The following RALGAPA2 variants were observed in gnomAD, a reference collection of about 807,000 sequenced individuals.
RALGAPA2 encodes ral GTPase-activating protein subunit alpha-2.
A neutral mutation model predicts 230.4 loss-of-function variants in RALGAPA2; 139 were observed. The observed-to-expected ratio is 0.60, with a 90% confidence interval of 0.53 to 0.69. The LOEUF is 0.69. Ranked by LOEUF, RALGAPA2 falls within the 30% of genes least tolerant of loss-of-function variation. The pLI is 0.00. For synonymous variants in RALGAPA2, 847 were observed against 837.8 expected (o/e 1.01, Z -0.19); for missense variants, 2,163 against 2,276.0 (o/e 0.95, Z 1.01).
chr20:20,555,517 G>C (rs1307299720), intron 23 of RALGAPA2, among the ~76,000 whole-genome samples: 1 of 152,132 alleles, frequency 6.6e-6, no homozygotes, highest in Non-Finnish European at 1.5e-5. Flanking sequence ...GGGGAGTACT[G>C]CTATCTTAAT....
intron 38 of RALGAPA2, among the ~76,000 whole-genome samples, chr20:20,404,568 G>A (rs2059909262): frequency 6.6e-6 from 1 of 152,174 alleles, no homozygotes; most frequent in African/African-American, 2.4e-5. Context: ...CGATTCACAA[G>A]GAATGTGAAC....
chr20:20,613,633 C>T (rs1471419630), intron 13 of RALGAPA2, among the ~76,000 whole-genome samples: 1 of 152,204 alleles, frequency 6.6e-6, no homozygotes, highest in East Asian at 1.9e-4. Context: ...CTCACGCTCC[C>T]TCTCACTCCA....
rs1032942518 is a variant in RALGAPA2 at position 20,437,454 on chromosome 20, G to A, written c.5496-25306C>T. On this transcript the variant is annotated intron_variant, in intron 37 of 39. Transcript: ENST00000202677. The surrounding 1 kb of genome is among the most constrained non-coding windows in gnomAD (Gnocchi z 4.1). Reference sequence around the variant, plus strand: ...GCAGGAGGCTTTCAGGGATGGTGCCGTCCTCCGTTCAGCCTTCAGATGGCT... The same window carrying A: ...GCAGGAGGCTTTCAGGGATGGTGCCATCCTCCGTTCAGCCTTCAGATGGCT... Among the ~76,000 whole-genome samples the A allele has an allele frequency of 1.8e-4, 28 of 152,308 alleles. No individual in the cohort carries two copies. Among genetic ancestry groups the A allele is most frequent in the South Asian group, 4.1e-4 (2 of 4,826 alleles).
chr20:20,678,814 G>A (rs73296931), intron 2 of RALGAPA2, among the ~76,000 whole-genome samples: 1,545 of 152,064 alleles, frequency 0.01, 25 homozygotes, highest in African/African-American at 0.035. Flanking sequence ...TTTGGCTTCC[G>A]ACCTGCTCCT....
chr20:20,575,248 A>C (rs6035651), intron 20 of RALGAPA2, among the ~76,000 whole-genome samples: 1 of 152,034 alleles, frequency 6.6e-6, no homozygotes, highest in South Asian at 2.1e-4. Flanking sequence ...TTTCTGGCCT[A>C]GATTTCTTTC....
chr20:20,465,459 G>A (rs1412484737), intron 37 of RALGAPA2, among the ~76,000 whole-genome samples: 3 of 152,154 alleles, frequency 2.0e-5, no homozygotes, highest in African/African-American at 4.8e-5. Flanking sequence ...GAAGCAGCAC[G>A]CTCCCTATGA....
At chr20:20,428,825 C>T (rs1441501586) in intron 37 of RALGAPA2, among the ~76,000 whole-genome samples, 1 of 146,578 alleles carries the variant, frequency 6.8e-6, no homozygotes, top group African/African-American at 2.5e-5. Flanking sequence ...TAAGTGCCTC[C>T]TACATATCCA....
intron 27 of RALGAPA2, among the ~76,000 whole-genome samples, 192 bp downstream of exon 27, chr20:20,531,495 C>T (rs1004467818): frequency 3.3e-5 from 5 of 152,236 alleles, no homozygotes; most frequent in African/African-American, 1.2e-4. Context: ...TCGAGACACT[C>T]GTGGCCAGGC....
chr20:20,516,132 T>C (rs1158830722), intron 31 of RALGAPA2, among the ~76,000 whole-genome samples: 4 of 152,148 alleles, frequency 2.6e-5, no homozygotes, highest in Admixed American at 6.5e-5. Context: ...CTCTGGAACA[T>C]TACCCTGAAA....
intron 39 of RALGAPA2, among the ~76,000 whole-genome samples, chr20:20,396,394 C>T (rs374095078): frequency 1.4e-4 from 21 of 152,268 alleles, no homozygotes; most frequent in East Asian, 1.3e-3. Context: ...CCCCAGCGCC[C>T]GCTGGCTCCC....
chr20:20,516,006 C>A (rs2062859816), intron 31 of RALGAPA2, among the ~76,000 whole-genome samples: 1 of 152,166 alleles, frequency 6.6e-6, no homozygotes, highest in Admixed American at 6.5e-5. Flanking sequence ...TAGTAGAACA[C>A]TGAGGGAGTG....
Position 20,392,762 on chromosome 20 carries a change from A to G in RALGAPA2, c.*527T>C, listed in dbSNP as rs1177949574. 6.0e-6 allele frequency: 1 copy of G among 167,814 alleles called. No homozygotes were observed. The highest frequency in any genetic ancestry group is 5.6e-5 in the Admixed American group (1 of 17,772). 10.4% of individuals were successfully genotyped at this position (167,814 alleles called of 1,614,324 possible). ...TCCTAACATAAAAGGAACTAGCAAA[A>G]TCAATGCAGATCAGATTCCTCAATT... On this transcript the variant is annotated 3_prime_UTR_variant, in exon 40 of 40. Transcript: ENST00000202677.
chr20:20,533,250 G>A (rs1180412837), intron 26 of RALGAPA2, among the ~76,000 whole-genome samples: 2 of 151,916 alleles, frequency 1.3e-5, no homozygotes, highest in Admixed American at 6.6e-5. Flanking sequence ...AAATAAAGGT[G>A]GGATGGGATA....
At chr20:20,430,636 T>A (rs1372304183) in intron 37 of RALGAPA2, among the ~76,000 whole-genome samples, 4 of 152,194 alleles carry the variant, frequency 2.6e-5, no homozygotes, top group Non-Finnish European at 5.9e-5. Context: ...TTTTCACTCA[T>A]CTCCAGTGAA....
intron 23 of RALGAPA2, among the ~76,000 whole-genome samples, chr20:20,557,805 T>C (rs2064130997): frequency 1.3e-5 from 2 of 152,258 alleles, no homozygotes; most frequent in Admixed American, 6.5e-5. Flanking sequence ...GAGATCATCA[T>C]TCAATCTTTT....
intron 38 of RALGAPA2, among the ~76,000 whole-genome samples, chr20:20,397,171 C>G (rs1419968468): frequency 6.6e-6 from 1 of 152,144 alleles, no homozygotes; most frequent in Non-Finnish European, 1.5e-5. Context: ...AATTGAAACC[C>G]CCTAGGTGGG....
chr20:20,591,400 A>G (rs2065287488), intron 16 of RALGAPA2, 86 bp from the exon 17 acceptor site: 2 of 1,400,344 alleles, frequency 1.4e-6, no homozygotes, highest in Admixed American at 2.4e-5. Flanking sequence ...TTTAAAAAAT[A>G]AAGTTTCAAA....
chr20:20,566,957 T>C (rs1266711992), intron 23 of RALGAPA2, among the ~76,000 whole-genome samples: 1 of 152,242 alleles, frequency 6.6e-6, no homozygotes, highest in African/African-American at 2.4e-5. Flanking sequence ...CACAATATTA[T>C]AGATGAAAAT....
chr20:20,495,086 G>A, intron 36 of RALGAPA2, 31 bp downstream of exon 36: 2 of 1,529,600 alleles, frequency 1.3e-6, no homozygotes, highest in Non-Finnish European at 1.8e-6. Context: ...AATGCTTTAT[G>A]AGTCAGTACA....
Sources: allele counts gnomAD v4.1 joint callset (sites outside exome capture counted in the v4.1 genomes callset), GRCh38; gene constraint gnomAD v4.1.1; non-coding constraint Gnocchi (gnomAD v3.1); transcripts MANE v1.5; gene names NCBI Gene and HGNC (gene_info 2026-07-23, HGNC 2026-07-21).